PHTF2: variants seen among roughly 807,000 people sequenced by gnomAD.
PHTF2 encodes putative homeodomain transcription factor 2, also known as protein PHTF2.
A neutral mutation model predicts 101.2 loss-of-function variants in PHTF2; 60 were observed. The ratio of observed to expected loss-of-function variants is 0.59; its 90% confidence interval spans 0.48 to 0.73. The LOEUF (loss-of-function observed/expected upper bound fraction) is 0.73. Ranked by LOEUF, PHTF2 falls within the 30% of genes least tolerant of loss-of-function variation. The probability of loss-of-function intolerance (pLI) is 0.00; values close to 1 mark genes in which losing one functional copy is unlikely to be tolerated. For missense variants in PHTF2, 747 were observed against 908.7 expected, an observed-to-expected ratio of 0.82 and a Z score of 2.29; for synonymous variants, 311 against 307.3, an observed-to-expected ratio of 1.01 and a Z score of -0.13.
chr7:77,939,594 A>T (rs946924318), intron 13 of PHTF2, among the ~76,000 whole-genome samples: 9 of 150,686 alleles, frequency 6.0e-5, no homozygotes, highest in African/African-American at 2.0e-4. Flanking sequence ...TGTCTCAAAA[A>T]AAAAAAAAAA....
chr7:77,836,279 G>A (rs1477491228), intron 1 of PHTF2, among the ~76,000 whole-genome samples: 1 of 152,096 alleles, frequency 6.6e-6, no homozygotes, highest in Admixed American at 6.6e-5. Flanking sequence ...GATAGCAGAG[G>A]CAGAAGAGGT....
intron 1 of PHTF2, among the ~76,000 whole-genome samples, chr7:77,807,803 G>A (rs1793114387): frequency 6.6e-6 from 1 of 152,062 alleles, no homozygotes; most frequent in South Asian, 2.1e-4. Flanking sequence ...TTTCTCCTGT[G>A]TTTTCTTCTA....
rs557915820 is a variant in PHTF2, at chr7:77,853,618, T to C, written c.46-1115T>C. 2.6e-5 allele frequency among the ~76,000 whole-genome samples: 4 copies of C among 152,258 alleles called. No individual in the cohort carries two copies. In the South Asian group the frequency reaches 8.3e-4, roughly 32 times the overall value. ...CATGTTGCCCCGGCTGGTCTCAAAC[T>C]TCTGAGCTCAAGCAATTCGCCTACC... On this transcript the variant is annotated intron_variant, in intron 2 of 19. Transcript: ENST00000416283.
intron 3 of PHTF2, among the ~76,000 whole-genome samples, chr7:77,887,103 G>A (rs137905360): frequency 6.6e-6 from 1 of 150,738 alleles, no homozygotes; most frequent in East Asian, 1.9e-4. Flanking sequence ...AAGGAAAAGT[G>A]CTGTTGTCTT....
intron 1 of PHTF2, among the ~76,000 whole-genome samples, chr7:77,800,544 A>G (rs1265989010): frequency 6.6e-6 from 1 of 152,224 alleles, no homozygotes; most frequent in Non-Finnish European, 1.5e-5. Context: ...TAGATAGTCA[A>G]GCCTCCAAGA....
chr7:77,944,179 A>G (rs1048189384), intron 16 of PHTF2, among the ~76,000 whole-genome samples: 1 of 151,962 alleles, frequency 6.6e-6, no homozygotes, highest in African/African-American at 2.4e-5. Flanking sequence ...CATGAGAATA[A>G]GAGAGTGAAG....
At chr7:77,819,555 A>G (rs1794111603) in intron 1 of PHTF2, among the ~76,000 whole-genome samples, 1 of 152,166 alleles carries the variant, frequency 6.6e-6, no homozygotes, top group Non-Finnish European at 1.5e-5. Flanking sequence ...GTATTTGTTG[A>G]ACCGTCCTTG....
chr7:77,888,761 T>C (rs902714695), intron 3 of PHTF2, among the ~76,000 whole-genome samples: 2 of 152,104 alleles, frequency 1.3e-5, no homozygotes, highest in African/African-American at 4.8e-5. Context: ...TAATTTTATG[T>C]AGAAGAAATT....
rs558845511 is a variant in PHTF2 at position 77,939,163 on chromosome 7, A to G, written c.1468-867A>G. On this transcript the variant is annotated intron_variant, in intron 13 of 19. Coordinates refer to ENST00000416283, the Ensembl canonical transcript of PHTF2. ...CCAGTCTAGCATACTGGAAGCTTTT[A>G]TATTGTCCCATTATCTAATTTCCTT... Among the ~76,000 whole-genome samples, 184 of 152,324 alleles carry G rather than the reference A, an allele frequency of 1.2e-3. 1 individual carries two copies. The highest frequency in any genetic ancestry group is 4.3e-3 in the African/African-American group (179 of 41,572).
chr7:77,899,639 T>G (rs1217081628), intron 5 of PHTF2, among the ~76,000 whole-genome samples: 1 of 152,210 alleles, frequency 6.6e-6, no homozygotes, highest in Non-Finnish European at 1.5e-5. Context: ...CATTTTTGGT[T>G]TAGACACCTC....
intron 19 of PHTF2, 104 bp from the exon 19 acceptor site, chr7:77,954,754 C>T: frequency 1.4e-5 from 9 of 648,002 alleles, no homozygotes; most frequent in South Asian, 1.2e-4. Context: ...AGAAACTGCA[C>T]TTGTTTGTGA....
intron 14 of PHTF2, 57 bp from the exon 14 acceptor site, chr7:77,940,470 AT>A: frequency 1.4e-6 from 2 of 1,436,570 alleles, no homozygotes; most frequent in Non-Finnish European, 1.9e-6. Flanking sequence ...TATTTTGTTA[AT>A]TTTGTTTTTC....
At chr7:77,821,912 G>T (rs1794324459) in intron 1 of PHTF2, among the ~76,000 whole-genome samples, 1 of 152,226 alleles carries the variant, frequency 6.6e-6, no homozygotes, top group East Asian at 1.9e-4. Flanking sequence ...GGAGCAGCCT[G>T]CTGTGCCCAG....
At chr7:77,940,008 C>T (rs1214338032) in intron 13 of PHTF2, 22 bp from the exon 13 acceptor site, 1 of 1,557,844 alleles carries the variant, frequency 6.4e-7, no homozygotes, top group Admixed American at 2.0e-5. Context: ...TCTTTTCTCT[C>T]TCTTCCCCTG....
chr7:77,915,261 C>T (rs923482618), intron 9 of PHTF2, among the ~76,000 whole-genome samples: 1 of 151,288 alleles, frequency 6.6e-6, no homozygotes, highest in Non-Finnish European at 1.5e-5. Context: ...ACTCTGTTGC[C>T]AGGCTGGAGT....
intron 18 of PHTF2, among the ~76,000 whole-genome samples, chr7:77,952,635 A>G (rs1044017397): frequency 9.9e-5 from 15 of 152,222 alleles, no homozygotes; most frequent in African/African-American, 3.4e-4. Context: ...TGCTTGACAC[A>G]TGTATATTGC....
At chr7:77,806,067 CAGG>C (rs1792952089) in intron 1 of PHTF2, among the ~76,000 whole-genome samples, 4 of 151,588 alleles carry the variant, frequency 2.6e-5, no homozygotes, top group Non-Finnish European at 5.9e-5. Flanking sequence ...CCTAGCTACT[CAGG>C]AGCCTGAGGC....
At chr7:77,920,144 T>C (rs966770426) in intron 9 of PHTF2, 135 bp from the exon 9 acceptor site, 24 of 569,930 alleles carry the variant, frequency 4.2e-5, no homozygotes, top group African/African-American at 1.9e-5. Context: ...TTCTAAATTA[T>C]TATACAAATA....
At chr7:77,841,075 C>CTATTTTTTTTT (rs1795832088) in intron 2 of PHTF2, among the ~76,000 whole-genome samples, 1 of 77,286 alleles carries the variant, frequency 1.3e-5, no homozygotes, top group Non-Finnish European at 2.3e-5. Context: ...AAAAAACAGA[C>CTATTTTTTTTT]TTTTTTTTTT....
Sources: gnomAD v4.1 joint callset for allele counts (sites outside exome capture counted in the v4.1 genomes callset) on GRCh38, gnomAD v4.1.1 for gene constraint, MANE v1.5 for transcripts, NCBI Gene and HGNC (gene_info 2026-07-23, HGNC 2026-07-21) for gene names.